The following YLPM1 variants were observed in gnomAD, a reference collection of about 807,000 sequenced individuals.
YLPM1 encodes the protein YLP motif containing 1.
YLPM1 carries 99 observed loss-of-function variants against 230.0 expected under a neutral mutation model. That is an observed-to-expected ratio of 0.43 (90% CI 0.37 to 0.51). YLPM1 has a LOEUF of 0.51. Among genes scored for constraint, YLPM1 ranks in the 20% least tolerant of loss-of-function variants. The pLI is 0.00. For missense variants in YLPM1, 2,592 were observed against 2,707.7 expected (o/e 0.96, Z 0.95); for synonymous variants, 984 against 942.5 (o/e 1.04, Z -0.81).
intron 5 of YLPM1, 115 bp from the exon 6 acceptor site, chr14:74,802,441 G>T (rs2091337040): frequency 7.7e-7 from 1 of 1,293,838 alleles, no homozygotes; most frequent in Non-Finnish European, 1.0e-6. Context: ...CCACTGCAGA[G>T]AATTTTAGGA....
At chr14:74,793,676 C>T (rs2091230115) in intron 4 of YLPM1, among the ~76,000 whole-genome samples, 1 of 152,152 alleles carries the variant, frequency 6.6e-6, no homozygotes, top group South Asian at 2.1e-4. Flanking sequence ...GCATGGAAGA[C>T]ACTGACAAAC....
At chr14:74,786,821 T>C (rs570211954) in intron 4 of YLPM1, among the ~76,000 whole-genome samples, 4 of 152,242 alleles carry the variant, frequency 2.6e-5, no homozygotes, top group Non-Finnish European at 5.9e-5. Flanking sequence ...CTATTAAGGA[T>C]TGGAATTGCC....
At chr14:74,823,816 G>A (rs1300250449) in intron 17 of YLPM1, among the ~76,000 whole-genome samples, 1 of 152,036 alleles carries the variant, frequency 6.6e-6, no homozygotes, top group Non-Finnish European at 1.5e-5. Context: ...CTATCTTGAA[G>A]AACACTTTTT....
chr14:74,769,859 C>CG (rs1566736170), intron 1 of YLPM1, among the ~76,000 whole-genome samples: 1 of 97,062 alleles, frequency 1.0e-5, no homozygotes, highest in Non-Finnish European at 2.2e-5. Flanking sequence ...ACACCCCCCC[C>CG]CCCGCCCCCC....
At chr14:74,764,395 A>G in intron 1 of YLPM1, 33 bp downstream of exon 1, 1 of 1,551,530 alleles carries the variant, frequency 6.4e-7, no homozygotes, top group South Asian at 1.2e-5. Context: ...CTCATCTTTC[A>G]CCTAGAGGGC....
intron 18 of YLPM1, among the ~76,000 whole-genome samples, chr14:74,826,897 C>G (rs1208046115): frequency 6.6e-6 from 1 of 152,218 alleles, no homozygotes; most frequent in Non-Finnish European, 1.5e-5. Flanking sequence ...TACTGTGAAG[C>G]TAGAATATTT....
intron 1 of YLPM1, among the ~76,000 whole-genome samples, chr14:74,773,379 G>C (rs570434463): frequency 1.4e-4 from 22 of 152,290 alleles, no homozygotes; most frequent in African/African-American, 5.1e-4. Context: ...CCCTGGTCTG[G>C]ATCTAAGACA....
intron 19 of YLPM1, among the ~76,000 whole-genome samples, chr14:74,832,699 C>G (rs2091616369): frequency 1.3e-5 from 2 of 152,198 alleles, no homozygotes; most frequent in Admixed American, 6.5e-5. Flanking sequence ...TCTCAAACTC[C>G]TGACCTCAGG....
At chr14:74,773,703 T>TTTTC in intron 1 of YLPM1, among the ~76,000 whole-genome samples, 9 of 146,296 alleles carry the variant, frequency 6.2e-5, no homozygotes, top group African/African-American at 2.1e-4. Flanking sequence ...CAGTGTGCTG[T>TTTTC]TTTCTTTCTT....
At position 74,797,923 on chromosome 14, in the gene YLPM1, A is replaced by C. The variant is rs374500080; in HGVS notation, c.2626A>C (p.Asn876His). 1.9e-6 allele frequency: 3 copies of C among 1,614,008 alleles called. No homozygotes were observed. The highest frequency in any genetic ancestry group is 2.5e-6 in the Non-Finnish European group (3 of 1,179,890). ...LADTSSNQQKNFKMQSAAFSI... is the reference protein window; with the variant it reads ...LADTSSNQQKHFKMQSAAFSI... ...AGACACCAGTAGTAACCAGCAGAAG[A>C]ATTTTAAAATGCAATCAGCTGCATT... Residue 876 changes from asparagine to histidine, a missense_variant, in exon 5 of 21, where the codon AAT becomes CAT. By Grantham distance (68) the Asn-to-His change is moderately conservative (BLOSUM62 1). Around this residue, in one of 4 missense-constraint regions of YLPM1, gnomAD observed 1,862 missense variants for 1,819.8 expected, o/e 1.02. Coordinates refer to ENST00000325680, the MANE Select transcript of YLPM1 (RefSeq NM_019589.3).
At chr14:74,777,106 G>A (rs150745207) in intron 1 of YLPM1, among the ~76,000 whole-genome samples, 1 of 151,854 alleles carries the variant, frequency 6.6e-6, no homozygotes, top group African/African-American at 2.4e-5. Flanking sequence ...TGCAAATACA[G>A]AATCCAAGAA....
Position 74,781,427 on chromosome 14 carries a change from T to C in YLPM1, c.1384T>C (p.Trp462Arg), listed in dbSNP as rs758524434. 3 of 1,608,824 alleles carry C rather than the reference T, an allele frequency of 1.9e-6. No individual in the cohort carries two copies. Among genetic ancestry groups the C allele is most frequent in the Non-Finnish European group, 2.5e-6 (3 of 1,177,304 alleles). The change falls in exon 4 of 21, where the codon TGG becomes CGG. Residue 462 changes from tryptophan to arginine, a missense_variant. By Grantham distance (101) the Trp-to-Arg change is moderately radical. Around this residue, in one of 4 missense-constraint regions of YLPM1, gnomAD observed 1,862 missense variants for 1,819.8 expected, o/e 1.02. Transcript: ENST00000325680. Reference protein sequence around the residue: ...YQEWEREFQLWEEQLHSYPHK... With the variant: ...YQEWEREFQLREEQLHSYPHK... ...AGAATGGGAGCGAGAGTTTCAGCTATGGGAGGAACAACTCCATTCCTATCC... is the reference window on the plus strand; with the variant it reads ...AGAATGGGAGCGAGAGTTTCAGCTACGGGAGGAACAACTCCATTCCTATCC...
At chr14:74,773,526 T>C (rs1241411284) in intron 1 of YLPM1, among the ~76,000 whole-genome samples, 1 of 152,122 alleles carries the variant, frequency 6.6e-6, no homozygotes, top group Non-Finnish European at 1.5e-5. Flanking sequence ...TTAATAATGC[T>C]TTCAAAGCAA....
Position 74,783,909 on chromosome 14 carries a change from G to A in YLPM1, c.2282+1584G>A, listed in dbSNP as rs142959377. 4.6e-5 allele frequency among the ~76,000 whole-genome samples: 7 copies of A among 152,302 alleles called. No homozygotes were observed. In the East Asian group the frequency reaches 1.2e-3, roughly 25 times the overall value. On this transcript the variant is annotated intron_variant, in intron 4 of 20. Transcript: ENST00000325680. ...AACAAAATGGCACTGAGAGGACTGC[G>A]TAACTTGCTCAGTCAGGATTATTTA...
At chr14:74,828,315 A>G (rs1426860192) in intron 18 of YLPM1, among the ~76,000 whole-genome samples, 1 of 152,206 alleles carries the variant, frequency 6.6e-6, no homozygotes, top group East Asian at 1.9e-4. Flanking sequence ...CTATAACTTC[A>G]GATGATTCAA....
At position 74,835,778 on chromosome 14, in the gene YLPM1, G is replaced by A. The variant is rs1405289918; in HGVS notation, c.*40G>A. 2.3e-6 allele frequency: 1 copy of A among 440,954 alleles called. No individual in the cohort carries two copies. Among genetic ancestry groups the A allele is most frequent in the African/African-American group, 2.1e-5 (1 of 48,524 alleles). The allele number at this position is 440,954 out of a possible 1,614,324, so 27.3% of individuals were successfully genotyped here. A position where few individuals can be genotyped will look rare whatever the true frequency, so the allele number is the denominator to read the frequency against. On this transcript the variant is annotated 3_prime_UTR_variant, in exon 21 of 21. Coordinates refer to ENST00000325680, the MANE Select transcript of YLPM1 (RefSeq NM_019589.3). ...CAGCCTTTTCTTTTCTTTCCAGGTG[G>A]TTCGCTTTGAGGTGGTCTGAAGCCA...
intron 4 of YLPM1, among the ~76,000 whole-genome samples, chr14:74,796,448 G>T (rs1342881354): frequency 6.6e-6 from 1 of 152,176 alleles, no homozygotes; most frequent in Non-Finnish European, 1.5e-5. Context: ...TTTCAGAGAA[G>T]TTGTCTTTTA....
chr14:74,780,082 G>A (rs907103215), intron 2 of YLPM1, among the ~76,000 whole-genome samples: 1 of 152,138 alleles, frequency 6.6e-6, no homozygotes, highest in African/African-American at 2.4e-5. Flanking sequence ...GGGATTACAG[G>A]TGTGAGCCAT....
chr14:74,796,320 T>C (rs2091260441), intron 4 of YLPM1, among the ~76,000 whole-genome samples: 2 of 152,338 alleles, frequency 1.3e-5, no homozygotes, highest in South Asian at 4.1e-4. Flanking sequence ...TGCTAAACTA[T>C]TTGCACTTCC....
Sources: allele counts gnomAD v4.1 joint callset (sites outside exome capture counted in the v4.1 genomes callset), GRCh38; gene constraint gnomAD v4.1.1; regional missense constraint gnomAD v4.1.1; transcripts MANE v1.5; gene names NCBI Gene and HGNC (gene_info 2026-07-23, HGNC 2026-07-21).